The following CIT variants were observed in gnomAD, a reference collection of about 807,000 sequenced individuals.
The protein encoded by CIT is citron rho-interacting serine/threonine kinase.
CIT carries 79 observed loss-of-function variants against 272.7 expected under a neutral mutation model. The ratio of observed to expected loss-of-function variants is 0.29; its 90% CI spans 0.24 to 0.35. The LOEUF (loss-of-function observed/expected upper bound fraction) is 0.35. CIT is among the 10% of genes least tolerant of loss of function. CIT has a pLI of 1.00. For missense variants in CIT, 1,909 were observed against 2,618.3 expected (o/e 0.73, Z 5.91); for synonymous variants, 948 against 995.6 (o/e 0.95, Z 0.90).
At chr12:119,723,483 GCAAA>G (rs1957914509) in intron 28 of CIT, among the ~76,000 whole-genome samples, 1 of 151,688 alleles carries the variant, frequency 6.6e-6, no homozygotes, top group African/African-American at 2.4e-5. Flanking sequence ...CCAGAAAGAA[GCAAA>G]CAGAGGTATA....
intron 10 of CIT, among the ~76,000 whole-genome samples, chr12:119,792,137 C>T (rs1479328789): frequency 2.0e-5 from 3 of 152,158 alleles, no homozygotes; most frequent in African/African-American, 7.2e-5. Flanking sequence ...ATCACTACTG[C>T]GATGATTAAG....
intron 9 of CIT, among the ~76,000 whole-genome samples, chr12:119,806,217 C>A (rs550450724): frequency 6.8e-6 from 1 of 147,218 alleles, no homozygotes; most frequent in Non-Finnish European, 1.5e-5. Context: ...ATATTCACAG[C>A]AAAGATTAAA....
chr12:119,700,786 C>T lies in CIT; in HGVS notation c.5582G>A (p.Arg1861His), dbSNP rs1253087630. 4.3e-6 allele frequency: 7 copies of T among 1,613,780 alleles called. No individual in the cohort carries two copies. Among genetic ancestry groups the T allele is most frequent in the Admixed American group, 1.7e-5 (1 of 59,998 alleles). The change falls in exon 44 of 48, where the codon CGC becomes CAC. Residue 1861 changes from arginine to histidine, a missense_variant. This residue lies in a region of CIT where 780 missense variants were observed against 1,067.2 expected (regional missense o/e 0.73). Coordinates refer to ENST00000392521, the MANE Select transcript of CIT (RefSeq NM_001206999.2). ...GCGACTCCACTTGAGATCGTCTGTG[C>T]GGCTACGTCTTCCGTAAGAATCCAC... ...VFVDSYGRRS[R>H]TDDLKWSRLP...
At chr12:119,707,361 T>C (rs1956933448) in intron 40 of CIT, among the ~76,000 whole-genome samples, 1 of 152,176 alleles carries the variant, frequency 6.6e-6, no homozygotes, top group South Asian at 2.1e-4. Flanking sequence ...TTAACCTAGT[T>C]TGAGGATGTA....
In CIT at chr12:119,770,913, G is replaced by A. The variant is rs1963068265; in HGVS notation, c.2083-3C>T. 2.5e-6 allele frequency: 4 copies of A among 1,612,606 alleles called. No homozygotes were observed. Among genetic ancestry groups the A allele is most frequent in the Non-Finnish European group, 3.4e-6 (4 of 1,179,808 alleles). ...TTCTCCAGAGAATGGCGGCGTTCCT[G>A]TAGATCATGAATCAATCAGAGAGTT... is the stretch of plus-strand genomic sequence containing the variant. On this transcript the variant is annotated splice_polypyrimidine_tract_variant and splice_region_variant and intron_variant, in intron 17 of 47. Coordinates refer to ENST00000392521, the MANE Select transcript of CIT (RefSeq NM_001206999.2). This position sits in a 1 kb window ranked among gnomAD's most constrained non-coding sequence, Gnocchi z 4.4.
intron 5 of CIT, among the ~76,000 whole-genome samples, chr12:119,836,518 GT>G (rs1969030397): frequency 6.6e-6 from 1 of 151,862 alleles, no homozygotes; most frequent in Non-Finnish European, 1.5e-5. Flanking sequence ...TTATATGTCT[GT>G]TTTAAATATA....
intron 4 of CIT, among the ~76,000 whole-genome samples, chr12:119,851,806 G>A (rs1378798960): frequency 6.6e-6 from 1 of 152,206 alleles, no homozygotes; most frequent in Non-Finnish European, 1.5e-5. Context: ...GGAGGCCAAG[G>A]CCGGAAGACT....
intron 27 of CIT, among the ~76,000 whole-genome samples, chr12:119,729,398 T>C (rs1433522987): frequency 1.3e-5 from 2 of 152,034 alleles, no homozygotes; most frequent in East Asian, 3.8e-4. Flanking sequence ...GTTTATCATA[T>C]TGTTATTTAT....
At chr12:119,843,679 G>A (rs1969568410) in intron 5 of CIT, among the ~76,000 whole-genome samples, 1 of 152,020 alleles carries the variant, frequency 6.6e-6, no homozygotes, top group Admixed American at 6.5e-5. Flanking sequence ...GCATGGTGTT[G>A]CATGCCTATA....
intron 14 of CIT, 48 bp downstream of exon 14, chr12:119,776,624 A>G (rs368210918): frequency 2.5e-4 from 383 of 1,547,236 alleles, no homozygotes; most frequent in Admixed American, 3.2e-4. Context: ...TGCTAAGATC[A>G]TGTACAATTT....
chr12:119,847,923 A>G (rs1016021498), intron 5 of CIT, among the ~76,000 whole-genome samples: 1 of 152,154 alleles, frequency 6.6e-6, no homozygotes, highest in African/African-American at 2.4e-5. Context: ...AAAAAAATTA[A>G]AAGTCTGTTA....
chr12:119,772,857 T>C lies in CIT; in HGVS notation c.1995A>G (p.Ala665=). The C allele has an allele frequency of 1.2e-6, 2 of 1,614,134 alleles. No homozygotes were observed. The highest frequency in any genetic ancestry group is 1.7e-6 in the Non-Finnish European group (2 of 1,180,030). The change falls in exon 17 of 48, where the codon GCA becomes GCG. Residue 665 remains alanine, a synonymous_variant. Transcript: ENST00000392521. The stretch of plus-strand genomic sequence containing the variant: ...CCAGCTCCCTCTCGGCTCGCTCCTT[T>C]GCCTGGCGGATATTCTGCAGCAGCT... ...ATELLQNIRQ[A]KERAERELEK... is the part of the protein sequence containing the mutation.
At chr12:119,859,822 A>C (rs1289633324) in intron 3 of CIT, among the ~76,000 whole-genome samples, 2 of 152,070 alleles carry the variant, frequency 1.3e-5, no homozygotes, top group East Asian at 3.9e-4. Context: ...TCAAAAAAAA[A>C]AAAGAACACA....
intron 10 of CIT, among the ~76,000 whole-genome samples, chr12:119,787,231 C>T (rs1446415044): frequency 2.0e-5 from 3 of 152,020 alleles, no homozygotes; most frequent in Non-Finnish European, 2.9e-5. Context: ...TCCCAAAGTG[C>T]TGGGATTACA....
At chr12:119,723,062 A>AT (rs754969925) in intron 28 of CIT, among the ~76,000 whole-genome samples, 1 of 122,366 alleles carries the variant, frequency 8.2e-6, no homozygotes, top group Non-Finnish European at 1.7e-5. Context: ...CTCTAAAAAA[A>AT]TAAAAACGAA....
chr12:119,688,567 C>T, intron 47 of CIT, among the ~76,000 whole-genome samples: 1 of 152,186 alleles, frequency 6.6e-6, no homozygotes, highest in Non-Finnish European at 1.5e-5. Context: ...CTTTCTTTAC[C>T]AGCAGGTGAA....
rs780963581 is a variant in CIT at position 119,704,502 on chromosome 12, C to A, written c.5212-47G>T. 26 of 1,548,624 alleles carry A rather than the reference C, an allele frequency of 1.7e-5. No homozygotes were observed. In the South Asian group the frequency reaches 2.5e-4, roughly 15 times the overall value. On this transcript the variant is annotated intron_variant, in intron 40 of 47. Transcript: ENST00000392521. ...AAAAAGACTGTCACCAGTGTGATAC[C>A]GGCTGTGGGGCAAAACTAGGAAAAG...
chr12:119,829,343 A>AG (rs1183737404), intron 7 of CIT, among the ~76,000 whole-genome samples: 43 of 145,306 alleles, frequency 3.0e-4, no homozygotes, highest in African/African-American at 8.6e-4. Flanking sequence ...TCTTGAAAGA[A>AG]AAGAAGAGAA....
At chr12:119,711,753 A>G (rs4269) in intron 37 of CIT, among the ~76,000 whole-genome samples, 20,804 of 152,136 alleles carry the variant, frequency 0.14, 3,327 homozygotes, top group African/African-American at 0.39. Context: ...ACTCCTGGGC[A>G]ATCCGCCGGC....
Sources: allele counts gnomAD v4.1 joint callset (sites outside exome capture counted in the v4.1 genomes callset), GRCh38; gene constraint gnomAD v4.1.1; regional missense constraint gnomAD v4.1.1; non-coding constraint Gnocchi (gnomAD v3.1); transcripts MANE v1.5; gene names NCBI Gene and HGNC (gene_info 2026-07-23, HGNC 2026-07-21).